The following ITGAV variants were observed in gnomAD, a reference collection of about 807,000 sequenced individuals.
ITGAV encodes integrin subunit alpha V, also known as integrin alpha-V.
A neutral mutation model predicts 143.8 loss-of-function variants in ITGAV; 76 were observed. The ratio of observed to expected loss-of-function variants is 0.53; its 90% CI spans 0.44 to 0.64. The LOEUF (loss-of-function observed/expected upper bound fraction) is 0.64. Ranked by LOEUF, ITGAV falls within the 30% of genes least tolerant of loss-of-function variation. The pLI is 0.00. For missense variants in ITGAV, 1,193 were observed against 1,274.7 expected (o/e 0.94, Z 0.98); for synonymous variants, 453 against 446.7 (o/e 1.01, Z -0.18).
chr2:186,593,202 G>A (rs769748286), intron 1 of ITGAV, among the ~76,000 whole-genome samples: 2 of 152,134 alleles, frequency 1.3e-5, no homozygotes, highest in Non-Finnish European at 1.5e-5. Context: ...CAGTTTTGGT[G>A]TCCACATACC....
intron 20 of ITGAV, 35 bp downstream of exon 20, chr2:186,664,676 C>G (rs773461537): frequency 2.5e-6 from 4 of 1,612,696 alleles, no homozygotes; most frequent in African/African-American, 1.3e-5. Context: ...TTGAAATGCA[C>G]TCACGGATCT....
Position 186,676,797 on chromosome 2 carries a change from C to T in ITGAV, c.2929-16C>T. 6.2e-7 allele frequency: 1 copy of T among 1,608,666 alleles called. No homozygotes were observed. The highest frequency in any genetic ancestry group is 8.5e-7 in the Non-Finnish European group (1 of 1,178,574). ...AATGGACTGTTTTTAAAACTAAAAG[C>T]TTTTTTCCTCGATAGGTTACCACTA... On this transcript the variant is annotated splice_polypyrimidine_tract_variant and intron_variant, in intron 28 of 29. Coordinates refer to ENST00000261023, the MANE Select transcript of ITGAV (RefSeq NM_002210.5).
At chr2:186,591,613 T>C (rs903066512) in intron 1 of ITGAV, among the ~76,000 whole-genome samples, 2 of 152,224 alleles carry the variant, frequency 1.3e-5, no homozygotes, top group African/African-American at 2.4e-5. Context: ...CATCTTCTAC[T>C]ACACACATGC....
intron 21 of ITGAV, 72 bp downstream of exon 21, chr2:186,665,290 T>A: frequency 2.1e-6 from 2 of 974,558 alleles, no homozygotes; most frequent in Middle Eastern, 2.1e-4. Flanking sequence ...GGGCTCATAG[T>A]AATTTTTAAA....
intron 3 of ITGAV, among the ~76,000 whole-genome samples, chr2:186,624,952 G>A (rs201460760): frequency 2.3e-4 from 34 of 150,894 alleles, no homozygotes; most frequent in African/African-American, 6.5e-4. Flanking sequence ...TAACTATTTT[G>A]AAAAAAAAAA....
In ITGAV at chr2:186,640,947, C is replaced by T. The variant is rs767721724; in HGVS notation, c.936C>T (p.Ala312=). 7 of 1,596,926 alleles carry T rather than the reference C, an allele frequency of 4.4e-6. No individual in the cohort carries two copies. Among genetic ancestry groups the T allele is most frequent in the Non-Finnish European group, 6.0e-6 (7 of 1,169,274 alleles). ...MAAYFGFSVA[A]TDINGDDYAD... ...CATATTTCGGATTTTCTGTAGCTGC[C>T]ACTGACATTAATGGAGATGAGTAAG... is the stretch of plus-strand genomic sequence containing the variant. Residue 312 remains alanine, a synonymous_variant, in exon 11 of 30, where the codon GCC becomes GCT. Coordinates refer to ENST00000261023, the MANE Select transcript of ITGAV (RefSeq NM_002210.5).
intron 21 of ITGAV, 52 bp from the exon 22 acceptor site, chr2:186,666,652 T>A: frequency 9.6e-7 from 1 of 1,036,328 alleles, no homozygotes; most frequent in Non-Finnish European, 1.4e-6. Context: ...GGATTTGAAA[T>A]TTTGCTAATT....
chr2:186,675,354 G>A (rs556151793), intron 26 of ITGAV, among the ~76,000 whole-genome samples: 77 of 152,118 alleles, frequency 5.1e-4, no homozygotes, highest in Non-Finnish European at 8.8e-4. Flanking sequence ...AACAAATCAC[G>A]ATAAAACCAA....
At chr2:186,598,136 C>T (rs1000092883) in intron 1 of ITGAV, among the ~76,000 whole-genome samples, 3 of 151,858 alleles carry the variant, frequency 2.0e-5, no homozygotes, top group Admixed American at 6.6e-5. Flanking sequence ...AGATATTGAC[C>T]CTCAAAAGCA....
At chr2:186,674,721 AG>A (rs2105754120) in intron 26 of ITGAV, among the ~76,000 whole-genome samples, 1 of 152,232 alleles carries the variant, frequency 6.6e-6, no homozygotes, top group East Asian at 1.9e-4. Context: ...CATGTTGGCC[AG>A]GCTGGTCTCG....
At chr2:186,612,980 G>A (rs1687256705) in intron 2 of ITGAV, among the ~76,000 whole-genome samples, 1 of 152,036 alleles carries the variant, frequency 6.6e-6, no homozygotes, top group South Asian at 2.1e-4. Context: ...AAATCTTTTA[G>A]TCTAATTCCT....
rs371324168 is a variant in ITGAV at position 186,633,409 on chromosome 2, T to C, written c.631+35T>C. 11 of 1,298,406 alleles carry C rather than the reference T, an allele frequency of 8.5e-6. No homozygotes were observed. In the African/African-American group the frequency reaches 1.4e-4, roughly 17 times the overall value. The allele number at this position is 1,298,406 out of a possible 1,614,324, so 80.4% of individuals were successfully genotyped here. A position where few individuals can be genotyped will look rare whatever the true frequency, so the allele number is the denominator to read the frequency against. ...TATTTTTTAAATTACAATTGGTGAC[T>C]ATGTGTCGCTGATTCACCTGGCTAA... On this transcript the variant is annotated intron_variant, in intron 6 of 29. Transcript: ENST00000261023.
chr2:186,611,140 C>T (rs1323694705), intron 2 of ITGAV, among the ~76,000 whole-genome samples: 3 of 152,138 alleles, frequency 2.0e-5, no homozygotes, highest in African/African-American at 7.2e-5. Flanking sequence ...GGGTCGTTCT[C>T]ATGCTGCATT....
At chr2:186,671,938 A>G (rs548826453) in intron 26 of ITGAV, among the ~76,000 whole-genome samples, 177 of 135,368 alleles carry the variant, frequency 1.3e-3, no homozygotes, top group Admixed American at 5.1e-3. Context: ...GGTGTGCCTT[A>G]GTACTCCTTT....
intron 6 of ITGAV, 121 bp from the exon 7 acceptor site, chr2:186,635,961 G>A (rs1019729435): frequency 3.5e-5 from 25 of 716,796 alleles, no homozygotes; most frequent in Admixed American, 1.6e-4. Flanking sequence ...AGTTATGTAC[G>A]GCTAATAATT....
At chr2:186,622,838 C>T (rs1687570416) in intron 3 of ITGAV, among the ~76,000 whole-genome samples, 1 of 152,062 alleles carries the variant, frequency 6.6e-6, no homozygotes, top group Admixed American at 6.6e-5. Context: ...TCTCGGCTGA[C>T]TGCAACCTCC....
intron 1 of ITGAV, among the ~76,000 whole-genome samples, chr2:186,599,508 C>T (rs1039341951): frequency 1.3e-5 from 2 of 152,168 alleles, no homozygotes; most frequent in African/African-American, 4.8e-5. Flanking sequence ...TTTCTTGAGA[C>T]AGGGACTCAT....
intron 15 of ITGAV, among the ~76,000 whole-genome samples, chr2:186,652,931 A>ATTTTTTTTTTTTTTTTT (rs35139936): frequency 1.2e-5 from 1 of 82,424 alleles, no homozygotes; most frequent in Non-Finnish European, 2.2e-5. Flanking sequence ...TTCATTATAG[A>ATTTTTTTTTTTTTTTTT]TTTTTTTTTT....
At chr2:186,622,257 C>A in intron 2 of ITGAV, 82 bp from the exon 3 acceptor site, 1 of 942,518 alleles carries the variant, frequency 1.1e-6, no homozygotes, top group Non-Finnish European at 1.7e-6. Flanking sequence ...TACTATTTCT[C>A]AACCTAGCTG....
Sources: gnomAD v4.1 joint callset for allele counts (sites outside exome capture counted in the v4.1 genomes callset) on GRCh38, gnomAD v4.1.1 for gene constraint, MANE v1.5 for transcripts, NCBI Gene and HGNC (gene_info 2026-07-23, HGNC 2026-07-21) for gene names.